The following CAMKMT variants were observed in gnomAD, a reference collection of about 807,000 sequenced individuals.
CAMKMT encodes calmodulin-lysine N-methyltransferase, also known as CaM KMT.
Under a neutral mutation model 48.0 loss-of-function variants are expected in CAMKMT, and 53 were observed. The observed-to-expected ratio is 1.10, with a 90% CI of 0.89 to 1.39. The LOEUF is 1.39. Ranked by LOEUF, CAMKMT falls within the 40% of genes most tolerant of loss-of-function variation. CAMKMT has a pLI of 0.00. For synonymous variants in CAMKMT, 165 were observed against 152.3 expected, an observed-to-expected ratio of 1.08 and a Z score of -0.61; for missense variants, 428 against 402.7, an observed-to-expected ratio of 1.06 and a Z score of -0.54.
At chr2:44,610,064 C>A (rs990373076) in intron 3 of CAMKMT, among the ~76,000 whole-genome samples, 8 of 152,004 alleles carry the variant, frequency 5.3e-5, no homozygotes, top group African/African-American at 1.9e-4. Context: ...CTCTTTTTCC[C>A]CACTAAGGAA....
intron 3 of CAMKMT, among the ~76,000 whole-genome samples, chr2:44,398,354 T>C (rs1424669206): frequency 1.3e-5 from 2 of 152,078 alleles, no homozygotes; most frequent in East Asian, 1.9e-4. Flanking sequence ...CTTTGGCAAA[T>C]GGAATTCTGT....
intron 3 of CAMKMT, among the ~76,000 whole-genome samples, chr2:44,469,087 A>T (rs937356986): frequency 1.3e-5 from 2 of 152,162 alleles, no homozygotes. Flanking sequence ...TTAAAGCTAG[A>T]TGAGAGGAAT....
chr2:44,435,706 C>G (rs1287934076), intron 3 of CAMKMT, among the ~76,000 whole-genome samples: 1 of 152,198 alleles, frequency 6.6e-6, no homozygotes, highest in Non-Finnish European at 1.5e-5. Flanking sequence ...AAATTTACTA[C>G]TTAAGAAGTG....
At chr2:44,608,539 G>T (rs1274625714) in intron 3 of CAMKMT, among the ~76,000 whole-genome samples, 2 of 152,046 alleles carry the variant, frequency 1.3e-5, no homozygotes, top group Non-Finnish European at 2.9e-5. Context: ...CTTGTGTTGG[G>T]AACATTCAGT....
chr2:44,479,109 C>G (rs74324610), intron 3 of CAMKMT, among the ~76,000 whole-genome samples: 8,461 of 152,222 alleles, frequency 0.056, 306 homozygotes, highest in South Asian at 0.14. Context: ...AAATGTATAA[C>G]CTTGCTTAAT....
At chr2:44,621,804 A>G (rs1672211095) in intron 3 of CAMKMT, among the ~76,000 whole-genome samples, 1 of 152,204 alleles carries the variant, frequency 6.6e-6, no homozygotes, top group South Asian at 2.1e-4. Flanking sequence ...TCTTGTGAAG[A>G]TTATTCTTTT....
intron 3 of CAMKMT, among the ~76,000 whole-genome samples, chr2:44,599,929 A>T (rs979230777): frequency 6.6e-6 from 1 of 152,032 alleles, no homozygotes; most frequent in Non-Finnish European, 1.5e-5. Context: ...CTTCAAAACG[A>T]TTTGGTACTC....
chr2:44,750,418 A>G (rs1258944103), intron 8 of CAMKMT, among the ~76,000 whole-genome samples: 1 of 152,156 alleles, frequency 6.6e-6, no homozygotes, highest in East Asian at 1.9e-4. Flanking sequence ...TGGTCTCCCA[A>G]AGTGCTGGGA....
intron 3 of CAMKMT, among the ~76,000 whole-genome samples, chr2:44,470,236 C>G (rs1044996838): frequency 6.6e-6 from 1 of 152,122 alleles, no homozygotes; most frequent in Admixed American, 6.5e-5. Context: ...AAACTATGGC[C>G]TCATACTGTG....
intron 3 of CAMKMT, among the ~76,000 whole-genome samples, chr2:44,690,848 T>C (rs1374885210): frequency 6.6e-6 from 1 of 151,952 alleles, no homozygotes; most frequent in African/African-American, 2.4e-5. Context: ...TGGTGGTGTG[T>C]GCCTGTAATC....
At chr2:44,597,890 C>A (rs11884146) in intron 3 of CAMKMT, among the ~76,000 whole-genome samples, 1 of 151,792 alleles carries the variant, frequency 6.6e-6, no homozygotes, top group African/African-American at 2.4e-5. Context: ...GCATGCACCA[C>A]CACCCTGGGC....
chr2:44,732,236 G>A (rs182626405), intron 7 of CAMKMT, among the ~76,000 whole-genome samples: 2 of 152,318 alleles, frequency 1.3e-5, no homozygotes, highest in Non-Finnish European at 2.9e-5. Context: ...TTACAGGCAT[G>A]AGCCATAGTG....
intron 10 of CAMKMT, among the ~76,000 whole-genome samples, chr2:44,767,225 C>T (rs921442734): frequency 1.3e-5 from 2 of 152,182 alleles, no homozygotes; most frequent in Admixed American, 6.5e-5. Context: ...AGGATTCTCA[C>T]GTTTGCTAGT....
intron 3 of CAMKMT, among the ~76,000 whole-genome samples, chr2:44,699,557 A>G (rs1677146507): frequency 6.6e-6 from 1 of 152,184 alleles, no homozygotes; most frequent in Non-Finnish European, 1.5e-5. Flanking sequence ...TGTTCCATTT[A>G]TAGAGCATAA....
intron 9 of CAMKMT, among the ~76,000 whole-genome samples, chr2:44,765,355 A>C (rs1465653978): frequency 1.3e-5 from 2 of 152,204 alleles, no homozygotes; most frequent in African/African-American, 4.8e-5. Context: ...TGCCTAGCAC[A>C]GTGTCTGACT....
chr2:44,581,390 G>T lies in CAMKMT; in HGVS notation c.377-122893G>T, dbSNP rs183537010. 3.0e-3 allele frequency among the ~76,000 whole-genome samples: 455 copies of T among 152,198 alleles called. 2 individuals are homozygous for T. Among genetic ancestry groups the T allele is most frequent in the African/African-American group, 0.01 (431 of 41,526 alleles). ...CACATGTCAATGAGCAGTAGAGCTT[G>T]GAATTAAATCTGTTTCTTCTGAATA... On this transcript the variant is annotated intron_variant, in intron 3 of 10. Transcript: ENST00000378494.
rs554404321 is a variant in CAMKMT, at chr2:44,538,334, C to T, written c.376+148029C>T. 3.0e-3 allele frequency among the ~76,000 whole-genome samples: 453 copies of T among 150,190 alleles called. 2 individuals are homozygous for T. The highest frequency in any genetic ancestry group is 0.011 in the African/African-American group (437 of 40,880). ...AGTGAGCCAAGATTGTGCCACTGCA[C>T]TCCAGCCTGGGCGACAGAGCGAGAC... On this transcript the variant is annotated intron_variant, in intron 3 of 10. Transcript: ENST00000378494.
chr2:44,766,422 T>C lies in CAMKMT; in HGVS notation c.763-8T>C, dbSNP rs775085088. ...TAAAATATGTGAATTTCCTTTTTAC[T>C]GTTCTAGGGGAAAGCGATGGTATTT... On this transcript the variant is annotated splice_region_variant and splice_polypyrimidine_tract_variant and intron_variant, in intron 9 of 10. Coordinates refer to ENST00000378494, the MANE Select transcript of CAMKMT (RefSeq NM_024766.5). 6.2e-7 allele frequency: 1 copy of C among 1,612,762 alleles called. No individual in the cohort carries two copies. Among genetic ancestry groups the C allele is most frequent in the Admixed American group, 1.7e-5 (1 of 59,494 alleles).
chr2:44,704,916 C>T lies in CAMKMT; in HGVS notation c.437+573C>T, dbSNP rs556180570. On this transcript the variant is annotated intron_variant, in intron 4 of 10. Transcript: ENST00000378494. Reference sequence around the variant, plus strand: ...TCAACTGTTAGTGTGCATTACAGATCGAACCCATGGATGGAATTTAGGAAA... The same window carrying T: ...TCAACTGTTAGTGTGCATTACAGATTGAACCCATGGATGGAATTTAGGAAA... 5.3e-5 allele frequency among the ~76,000 whole-genome samples: 8 copies of T among 150,358 alleles called. No homozygotes were observed. In the East Asian group the frequency reaches 1.4e-3, roughly 26 times the overall value.
Sources: allele counts gnomAD v4.1 joint callset (sites outside exome capture counted in the v4.1 genomes callset), GRCh38; gene constraint gnomAD v4.1.1; transcripts MANE v1.5; gene names NCBI Gene and HGNC (gene_info 2026-07-23, HGNC 2026-07-21).